Variants in NVL observed in about 807,000 individuals in gnomAD.
NVL encodes nuclear VCP like, also known as nuclear valosin-containing protein-like.
Under a neutral mutation model 110.2 loss-of-function variants are expected in NVL, and 84 were observed. That is an observed-to-expected ratio of 0.76 (90% confidence interval 0.64 to 0.91). The LOEUF (loss-of-function observed/expected upper bound fraction) is 0.91. Ranked by LOEUF, NVL falls within the 40% of genes least tolerant of loss-of-function variation. NVL has a pLI of 0.00. For missense variants in NVL, 882 were observed against 1,035.9 expected (o/e 0.85, Z 2.04); for synonymous variants, 354 against 361.1 (o/e 0.98, Z 0.22).
chr1:224,271,932 T>G (rs988423174), intron 17 of NVL, among the ~76,000 whole-genome samples: 1 of 151,846 alleles, frequency 6.6e-6, no homozygotes, highest in South Asian at 2.1e-4. Flanking sequence ...GAGAATCGCA[T>G]GAACCCAGGA....
intron 19 of NVL, among the ~76,000 whole-genome samples, chr1:224,241,269 T>G (rs1049498500): frequency 6.6e-6 from 1 of 152,186 alleles, no homozygotes; most frequent in Non-Finnish European, 1.5e-5. Context: ...AGAACTAAAA[T>G]GAATTCTATT....
intron 2 of NVL, among the ~76,000 whole-genome samples, chr1:224,324,466 G>A (rs1449431409): frequency 2.6e-5 from 4 of 152,098 alleles, no homozygotes; most frequent in Non-Finnish European, 1.5e-5. Context: ...GTCTTGCTCT[G>A]TTACCCAGCT....
rs1186876785 is a variant in NVL, at chr1:224,302,509, AT to A, written c.960+1213del. On this transcript the variant is annotated intron_variant, in intron 9 of 22. Coordinates refer to ENST00000281701, the MANE Select transcript of NVL (RefSeq NM_002533.4). ...AGCCACTGCGCCCGGCGAGCATGCT[AT>A]TTTTCTAATCGAAGTTACTCGGATA... 5.3e-5 allele frequency among the ~76,000 whole-genome samples: 8 copies of A among 152,076 alleles called. No individual in the cohort carries two copies. The East Asian group carries it at 1.4e-3, about 26-fold the overall frequency.
intron 21 of NVL, among the ~76,000 whole-genome samples, chr1:224,232,690 T>G (rs1447054582): frequency 2.0e-5 from 3 of 152,112 alleles, no homozygotes; most frequent in Non-Finnish European, 4.4e-5. Flanking sequence ...TGCACTCAAA[T>G]AATAACATTA....
intron 19 of NVL, among the ~76,000 whole-genome samples, chr1:224,239,130 G>C (rs895384716): frequency 1.9e-4 from 29 of 151,870 alleles, no homozygotes; most frequent in African/African-American, 7.0e-4. Context: ...TTTCTTTCTT[G>C]AATCTCTAAA....
Position 224,317,883 on chromosome 1 carries a change from T to G in NVL, c.179A>C (p.Glu60Ala). 7 of 1,595,986 alleles carry G rather than the reference T, an allele frequency of 4.4e-6. No homozygotes were observed. The highest frequency in any genetic ancestry group is 6.0e-6 in the Non-Finnish European group (7 of 1,165,810). Residue 60 changes from glutamate to alanine, a missense_variant, in exon 3 of 23, where the codon GAA (glutamate) becomes GCA (alanine). Coordinates refer to ENST00000281701, the MANE Select transcript of NVL (RefSeq NM_002533.4). ...GCTCTAACAATAAGACTCACCTTTT[T>G]CTACCTGAATCCTAAAAGCATTTCT... ...RKRNAFRIQV[E>A]KVFSIISSEK...
intron 18 of NVL, 138 bp from the exon 19 acceptor site, chr1:224,250,456 C>T: frequency 1.5e-6 from 1 of 655,342 alleles, no homozygotes; most frequent in Admixed American, 3.9e-5. Context: ...CCTCGACCTC[C>T]CAGGCTCAGA....
At chr1:224,245,228 T>A (rs1661677993) in intron 19 of NVL, among the ~76,000 whole-genome samples, 1 of 152,236 alleles carries the variant, frequency 6.6e-6, no homozygotes, top group South Asian at 2.1e-4. Context: ...TTCCTCACTT[T>A]CTGTTGACTT....
chr1:224,294,142 A>G lies in NVL; in HGVS notation c.1325+125T>C, dbSNP rs779479117. ...TGTGGGCTTCTCCTTTTCCAAATCA[A>G]TTTAATTGGTACAAAAAGAAAGAGA... is the stretch of plus-strand genomic sequence containing the variant. On this transcript the variant is annotated intron_variant, in intron 12 of 22. Transcript: ENST00000281701. 3.1e-5 allele frequency: 33 copies of G among 1,066,786 alleles called. No homozygotes were observed. The African/African-American group carries it at 4.9e-4, about 16-fold the overall frequency. 66.1% of individuals were successfully genotyped at this position (1,066,786 alleles called of 1,614,324 possible).
Position 224,296,512 on chromosome 1 carries a change from GT to G in NVL, c.1168del (p.Thr390ProfsTer6). ...MERRIVAQLLTCMDDLNNVAA... is the reference protein window; with the variant it reads ...MERRIVAQLLXCMDDLNNVAA... The stretch of plus-strand genomic sequence containing the variant: ...TATTTTAAACTAACCATCCATGCAG[GT>G]TAGGAGTTGGGCTACAATTCTTCGT... On this transcript the variant is annotated frameshift_variant, in exon 11 of 23. Coordinates refer to ENST00000281701, the MANE Select transcript of NVL (RefSeq NM_002533.4). LOFTEE classifies it high-confidence loss of function. 1 of 1,580,818 alleles carries G rather than the reference GT, an allele frequency of 6.3e-7. No individual in the cohort carries two copies. The highest frequency in any genetic ancestry group is 8.6e-7 in the Non-Finnish European group (1 of 1,157,604).
At chr1:224,299,552 C>T (rs1415349488) in intron 10 of NVL, among the ~76,000 whole-genome samples, 2 of 152,132 alleles carry the variant, frequency 1.3e-5, no homozygotes, top group Non-Finnish European at 2.9e-5. Flanking sequence ...GGTTTAAACA[C>T]AGAACTAACA....
intron 17 of NVL, among the ~76,000 whole-genome samples, chr1:224,270,824 A>G (rs1056143503): frequency 6.6e-6 from 1 of 152,226 alleles, no homozygotes. Flanking sequence ...TGATTTGCCA[A>G]TAAAACTGCC....
chr1:224,270,482 C>T (rs935069549), intron 17 of NVL, among the ~76,000 whole-genome samples: 6 of 152,072 alleles, frequency 3.9e-5, no homozygotes, highest in Non-Finnish European at 5.9e-5. Context: ...TGCTTGAACC[C>T]GGGAGGCGGA....
chr1:224,261,100 T>C (rs992090560), intron 18 of NVL, among the ~76,000 whole-genome samples: 36 of 152,140 alleles, frequency 2.4e-4, no homozygotes, highest in African/African-American at 8.4e-4. Flanking sequence ...GGTCTCGAAC[T>C]CCTGACCTCA....
At chr1:224,237,375 C>A (rs1453067287) in intron 19 of NVL, among the ~76,000 whole-genome samples, 2 of 152,160 alleles carry the variant, frequency 1.3e-5, no homozygotes, top group Non-Finnish European at 2.9e-5. Flanking sequence ...AACACTCAAT[C>A]TTGATTTTGG....
intron 4 of NVL, among the ~76,000 whole-genome samples, chr1:224,314,688 C>T (rs1669890150): frequency 6.6e-6 from 1 of 152,046 alleles, no homozygotes; most frequent in African/African-American, 2.4e-5. Flanking sequence ...AAATAGAGAA[C>T]AAAAGAACAC....
intron 18 of NVL, among the ~76,000 whole-genome samples, chr1:224,267,577 C>T (rs1487635032): frequency 6.6e-6 from 1 of 151,640 alleles, no homozygotes; most frequent in Non-Finnish European, 1.5e-5. Flanking sequence ...ATCCCAGCTA[C>T]TCAGGAGGCT....
At chr1:224,235,299 C>G (rs1660337693) in intron 20 of NVL, among the ~76,000 whole-genome samples, 1 of 152,148 alleles carries the variant, frequency 6.6e-6, no homozygotes, top group African/African-American at 2.4e-5. Flanking sequence ...TCCCTAGTAG[C>G]TGCGATTACA....
chr1:224,319,839 C>T (rs1430389460), intron 2 of NVL, among the ~76,000 whole-genome samples: 1 of 152,042 alleles, frequency 6.6e-6, no homozygotes, highest in African/African-American at 2.4e-5. Context: ...TCGATCAAAA[C>T]TAACATTACC....
Sources: allele counts gnomAD v4.1 joint callset (sites outside exome capture counted in the v4.1 genomes callset), GRCh38; gene constraint gnomAD v4.1.1; transcripts MANE v1.5; gene names NCBI Gene and HGNC (gene_info 2026-07-23, HGNC 2026-07-21).